RNF144B: variants seen among roughly 807,000 people sequenced by gnomAD.
RNF144B encodes the protein ring finger protein 144B.
Under a neutral mutation model 40.2 loss-of-function variants are expected in RNF144B, and 25 were observed. The ratio of observed to expected loss-of-function variants is 0.62; its 90% CI spans 0.45 to 0.87. RNF144B has a LOEUF of 0.87. Among genes scored for constraint, RNF144B ranks in the 40% least tolerant of loss-of-function variants. RNF144B has a pLI of 0.00. For missense variants in RNF144B, 365 were observed against 373.7 expected (o/e 0.98, Z 0.19); for synonymous variants, 145 against 136.3 (o/e 1.06, Z -0.44).
chr6:18,389,173 C>T (rs1257135931), intron 1 of RNF144B, among the ~76,000 whole-genome samples: 1 of 152,182 alleles, frequency 6.6e-6, no homozygotes, highest in South Asian at 2.1e-4. Context: ...AGAACATTCT[C>T]AGCATTCAAA....
At chr6:18,462,993 C>A (rs1759491157) in intron 6 of RNF144B, among the ~76,000 whole-genome samples, 1 of 152,150 alleles carries the variant, frequency 6.6e-6, no homozygotes, top group South Asian at 2.1e-4. Flanking sequence ...TCCTGGTCTT[C>A]CCATTCCATT....
intron 1 of RNF144B, among the ~76,000 whole-genome samples, chr6:18,393,183 C>A (rs1296199737): frequency 1.3e-5 from 2 of 151,746 alleles, no homozygotes; most frequent in African/African-American, 4.8e-5. Context: ...AGTTCCCTGA[C>A]TACGAGAGGG....
intron 4 of RNF144B, among the ~76,000 whole-genome samples, chr6:18,452,670 G>A (rs1379542109): frequency 1.3e-5 from 2 of 151,970 alleles, no homozygotes; most frequent in Non-Finnish European, 2.9e-5. Flanking sequence ...TTCAAGTTTA[G>A]AGATGAAGTA....
intron 2 of RNF144B, among the ~76,000 whole-genome samples, chr6:18,403,813 G>T (rs1794839951): frequency 6.6e-6 from 1 of 152,194 alleles, no homozygotes; most frequent in African/African-American, 2.4e-5. Flanking sequence ...TCTGGTGAAG[G>T]TCTCATGCTA....
At chr6:18,424,005 A>G (rs1758492449) in intron 2 of RNF144B, among the ~76,000 whole-genome samples, 1 of 152,178 alleles carries the variant, frequency 6.6e-6, no homozygotes, top group Non-Finnish European at 1.5e-5. Context: ...AAATGGTGGT[A>G]GTTTTCTTTG....
At chr6:18,408,941 T>G (rs1032157575) in intron 2 of RNF144B, among the ~76,000 whole-genome samples, 1 of 19,594 alleles carries the variant, frequency 5.1e-5, no homozygotes, top group African/African-American at 1.4e-4. Flanking sequence ...GAAAAGTGTT[T>G]TTTTTTTTTT....
chr6:18,407,866 T>C (rs567242557), intron 2 of RNF144B, among the ~76,000 whole-genome samples: 1 of 152,292 alleles, frequency 6.6e-6, no homozygotes, highest in African/African-American at 2.4e-5. Context: ...GTAGGCCTGC[T>C]ATTAGTTCCA....
chr6:18,389,412 G>A (rs950532845), intron 1 of RNF144B, among the ~76,000 whole-genome samples: 1 of 152,074 alleles, frequency 6.6e-6, no homozygotes, highest in African/African-American at 2.4e-5. Flanking sequence ...CCTGAAAAAC[G>A]TCTTTCTCCT....
chr6:18,459,632 G>A lies in RNF144B; in HGVS notation c.562G>A (p.Ala188Thr), dbSNP rs752441273. 3.0e-5 allele frequency: 48 copies of A among 1,613,788 alleles called. No homozygotes were observed. Among genetic ancestry groups the A allele is most frequent in the Non-Finnish European group, 4.1e-5 (48 of 1,179,794 alleles). The change falls in exon 6 of 8, where the codon GCC (alanine) becomes ACC (threonine). Residue 188 changes from alanine to threonine, a missense_variant. Coordinates refer to ENST00000259939, the MANE Select transcript of RNF144B (RefSeq NM_182757.4). This position sits in a 1 kb window ranked among gnomAD's most constrained non-coding sequence, Gnocchi z 4.2. ...AGCCCTCTTTGGGACAGATGCAGAA[G>A]CCCCCATTAAGCAGTGCCCAGTTTG... ...HRALFGTDAE[A>T]PIKQCPVCRV...
chr6:18,409,180 C>G (rs970780393), intron 2 of RNF144B, among the ~76,000 whole-genome samples: 1 of 151,762 alleles, frequency 6.6e-6, no homozygotes. Flanking sequence ...GAATTTGAGA[C>G]CAGCCTAGCC....
intron 1 of RNF144B, among the ~76,000 whole-genome samples, chr6:18,394,531 G>C (rs1794653445): frequency 6.6e-6 from 1 of 151,824 alleles, no homozygotes; most frequent in African/African-American, 2.4e-5. Context: ...CCGGGAGGTG[G>C]AGGTTGCAGT....
intron 4 of RNF144B, among the ~76,000 whole-genome samples, chr6:18,440,756 G>C (rs1358328558): frequency 2.0e-5 from 3 of 150,852 alleles, no homozygotes; most frequent in South Asian, 4.2e-4. Context: ...GATCTGGCTT[G>C]GTCTTATAGG....
chr6:18,417,474 G>A lies in RNF144B; in HGVS notation c.166-10107G>A, dbSNP rs1309757157. Among the ~76,000 whole-genome samples, 4 of 152,254 alleles carry A rather than the reference G, an allele frequency of 2.6e-5. No individual in the cohort carries two copies. In the East Asian group the frequency reaches 5.8e-4, roughly 22 times the overall value. On this transcript the variant is annotated intron_variant, in intron 2 of 7. Coordinates refer to ENST00000259939, the MANE Select transcript of RNF144B (RefSeq NM_182757.4). ...AACAAGGGTGCCAAGACAATTCAAA[G>A]AGGAAAGAAATGTTTTTCAGCAAAT...
intron 1 of RNF144B, chr6:18,396,394 G>T (rs1254696765): frequency 2.1e-6 from 2 of 970,082 alleles, no homozygotes; most frequent in Non-Finnish European, 2.5e-6. Context: ...TAAAACTTTG[G>T]CCTGTTTAAT....
At chr6:18,390,398 T>C (rs935293332) in intron 1 of RNF144B, among the ~76,000 whole-genome samples, 4 of 152,342 alleles carry the variant, frequency 2.6e-5, no homozygotes, top group Admixed American at 6.5e-5. Flanking sequence ...ATAGTTGTTA[T>C]TAAAAAATGG....
chr6:18,435,483 AG>A (rs67355688), intron 3 of RNF144B, among the ~76,000 whole-genome samples: 4,975 of 152,312 alleles, frequency 0.033, 157 homozygotes, highest in African/African-American at 0.079. Flanking sequence ...TGATAGAAAT[AG>A]AAAAATCACT....
At chr6:18,455,082 G>A (rs920764564) in intron 4 of RNF144B, among the ~76,000 whole-genome samples, 14 of 152,156 alleles carry the variant, frequency 9.2e-5, no homozygotes, top group African/African-American at 2.9e-4. Context: ...TTTGTGAAGC[G>A]GTTGTAATAG....
chr6:18,446,587 C>T lies in RNF144B; in HGVS notation c.331+6843C>T, dbSNP rs1044079475. On this transcript the variant is annotated intron_variant, in intron 4 of 7. Transcript: ENST00000259939. The surrounding 1 kb of genome is among the most constrained non-coding windows in gnomAD (Gnocchi z 4.7). The stretch of plus-strand genomic sequence containing the variant: ...TTTTTTACTATGGGAAATTGATGTA[C>T]TGATGCTATGTCTTATATTTCTGTT... 4.6e-5 allele frequency among the ~76,000 whole-genome samples: 7 copies of T among 152,174 alleles called. No individual in the cohort carries two copies. Among genetic ancestry groups the T allele is most frequent in the Non-Finnish European group, 1.0e-4 (7 of 68,024 alleles).
Position 18,446,866 on chromosome 6 carries a change from TGTGTGTG to T in RNF144B, c.331+7123_331+7129del, listed in dbSNP as rs1468548218. 6.6e-6 allele frequency among the ~76,000 whole-genome samples: 1 copy of T among 151,244 alleles called. No individual in the cohort carries two copies. The highest frequency in any genetic ancestry group is 2.4e-5 in the African/African-American group (1 of 41,198). ...GTGTGTGTGTGTGTGTGTGTGTGTG[TGTGTGTG>T]TCTGTGTGTGTGTTGTGTGTTTGTT... On this transcript the variant is annotated intron_variant, in intron 4 of 7. Transcript: ENST00000259939. The surrounding 1 kb of genome is among the most constrained non-coding windows in gnomAD (Gnocchi z 4.7).
Sources: gnomAD v4.1 joint callset for allele counts (sites outside exome capture counted in the v4.1 genomes callset) on GRCh38, gnomAD v4.1.1 for gene constraint, Gnocchi (gnomAD v3.1) non-coding constraint, MANE v1.5 for transcripts, NCBI Gene and HGNC (gene_info 2026-07-23, HGNC 2026-07-21) for gene names.